The following SGCD variants were observed in gnomAD, a reference collection of about 807,000 sequenced individuals.
SGCD encodes the protein delta-sarcoglycan.
SGCD carries 18 observed loss-of-function variants against 36.6 expected under a neutral mutation model. The ratio of observed to expected loss-of-function variants is 0.49; its 90% CI spans 0.34 to 0.73. The LOEUF is 0.73. Ranked by LOEUF, SGCD falls within the 30% of genes least tolerant of loss-of-function variation. The probability of loss-of-function intolerance (pLI) is 0.01; values close to 1 mark genes in which losing one functional copy is unlikely to be tolerated. For synonymous variants in SGCD, 133 were observed against 130.6 expected (o/e 1.02, Z -0.12); for missense variants, 387 against 346.7 (o/e 1.12, Z -0.92).
At chr5:156,635,266 CA>C (rs1309921389) in intron 6 of SGCD, among the ~76,000 whole-genome samples, 2 of 151,874 alleles carry the variant, frequency 1.3e-5, no homozygotes, top group Non-Finnish European at 2.9e-5. Flanking sequence ...TTTATGCAGC[CA>C]AAAGACACAT....
At chr5:156,207,617 T>C (rs1482635258) in intron 3 of SGCD, among the ~76,000 whole-genome samples, 1 of 152,140 alleles carries the variant, frequency 6.6e-6, no homozygotes, top group Non-Finnish European at 1.5e-5. Context: ...TTACCATTAA[T>C]GGCAAAAACC....
At chr5:156,465,562 A>G (rs1340682482) in intron 3 of SGCD, among the ~76,000 whole-genome samples, 1 of 152,110 alleles carries the variant, frequency 6.6e-6, no homozygotes, top group Non-Finnish European at 1.5e-5. Context: ...CCAGACCATT[A>G]GGTATTCATG....
chr5:156,743,660 G>T (rs967070669), intron 7 of SGCD, among the ~76,000 whole-genome samples: 21 of 152,220 alleles, frequency 1.4e-4, no homozygotes, highest in African/African-American at 4.6e-4. Context: ...AAATGGTTTT[G>T]CTCTAGAGGA....
chr5:156,142,270 G>A (rs1581125497), intron 3 of SGCD, among the ~76,000 whole-genome samples: 1 of 152,202 alleles, frequency 6.6e-6, no homozygotes, highest in African/African-American at 2.4e-5. Context: ...TGTACGGTCT[G>A]CAGAACTGTG....
intron 6 of SGCD, among the ~76,000 whole-genome samples, chr5:156,604,506 A>G (rs569868431): frequency 6.6e-6 from 1 of 151,498 alleles, no homozygotes; most frequent in Non-Finnish European, 1.5e-5. Context: ...ATCTGCTGTA[A>G]TTTATTTGTG....
At chr5:156,358,833 A>G (rs1478487301) in intron 3 of SGCD, among the ~76,000 whole-genome samples, 11 of 152,124 alleles carry the variant, frequency 7.2e-5, no homozygotes, top group Admixed American at 7.2e-4. Context: ...GTAATGTTGT[A>G]TATGGATCTG....
intron 1 of SGCD, among the ~76,000 whole-genome samples, chr5:156,103,411 G>A (rs1761570442): frequency 6.6e-6 from 1 of 152,112 alleles, no homozygotes; most frequent in Non-Finnish European, 1.5e-5. Flanking sequence ...AATCCTCTTA[G>A]TACTTAAATG....
chr5:156,631,510 A>C (rs1196514210), intron 6 of SGCD, among the ~76,000 whole-genome samples: 1 of 149,988 alleles, frequency 6.7e-6, no homozygotes, highest in Non-Finnish European at 1.5e-5. Context: ...ATCTAAGAAC[A>C]TACTCTTTGG....
chr5:155,811,989 C>A, the SGCD span, among the ~76,000 whole-genome samples: 1 of 152,046 alleles, frequency 6.6e-6, no homozygotes, highest in Non-Finnish European at 1.5e-5. Context: ...TCTAACAGAG[C>A]CTTAAAACGG....
chr5:156,085,973 A>G (rs1305721617), intron 1 of SGCD, among the ~76,000 whole-genome samples: 1 of 152,200 alleles, frequency 6.6e-6, no homozygotes, highest in African/African-American at 2.4e-5. Flanking sequence ...TTGTTTTCCT[A>G]CAAGATACTT....
chr5:156,139,727 T>A (rs902375260), intron 3 of SGCD, among the ~76,000 whole-genome samples: 3 of 152,204 alleles, frequency 2.0e-5, no homozygotes, highest in Non-Finnish European at 4.4e-5. Context: ...GAAATGACTA[T>A]TGAACTTAGG....
At chr5:156,480,672 A>G (rs939050976) in intron 3 of SGCD, among the ~76,000 whole-genome samples, 1 of 152,116 alleles carries the variant, frequency 6.6e-6, no homozygotes, top group African/African-American at 2.4e-5. Flanking sequence ...TTTGTGGGGG[A>G]ATGAATTAAT....
chr5:156,122,114 C>T (rs1266595599), intron 2 of SGCD, among the ~76,000 whole-genome samples: 1 of 152,122 alleles, frequency 6.6e-6, no homozygotes, highest in African/African-American at 2.4e-5. Flanking sequence ...GTCAAAAATA[C>T]TGGAGATGGA....
intron 1 of SGCD, among the ~76,000 whole-genome samples, chr5:155,901,039 G>T (rs186039693): frequency 6.6e-6 from 1 of 152,204 alleles, no homozygotes; most frequent in Non-Finnish European, 1.5e-5. Flanking sequence ...TAGGCCAGTC[G>T]TGGTGGCTCA....
the SGCD span, among the ~76,000 whole-genome samples, chr5:155,773,835 T>C: frequency 1.3e-5 from 2 of 152,170 alleles, no homozygotes; most frequent in East Asian, 1.9e-4. Flanking sequence ...GCAAGGGATG[T>C]AGTGTGTGCA....
intron 7 of SGCD, among the ~76,000 whole-genome samples, chr5:156,736,572 C>A (rs939932061): frequency 1.3e-5 from 2 of 152,050 alleles, no homozygotes; most frequent in African/African-American, 4.8e-5. Flanking sequence ...TGAGAGCTGG[C>A]AATTCAATGG....
chr5:156,476,646 C>A (rs1025919288), intron 3 of SGCD, among the ~76,000 whole-genome samples: 2 of 152,098 alleles, frequency 1.3e-5, no homozygotes, highest in East Asian at 3.9e-4. Flanking sequence ...ATAATGCTTC[C>A]GTAGCTAAAT....
chr5:155,918,615 CTG>C (rs1756807020), intron 1 of SGCD, among the ~76,000 whole-genome samples: 3 of 152,254 alleles, frequency 2.0e-5, no homozygotes, highest in South Asian at 4.1e-4. Flanking sequence ...ATCCAGGAAA[CTG>C]TGGGGCCACA....
intron 7 of SGCD, among the ~76,000 whole-genome samples, chr5:156,720,741 A>G (rs1230021687): frequency 1.3e-5 from 2 of 152,066 alleles, no homozygotes; most frequent in Non-Finnish European, 2.9e-5. Context: ...TTTCTAATTC[A>G]CTCAAAGTTA....
Sources: allele counts gnomAD v4.1 joint callset (sites outside exome capture counted in the v4.1 genomes callset), GRCh38; gene constraint gnomAD v4.1.1; transcripts MANE v1.5; gene names NCBI Gene and HGNC (gene_info 2026-07-23, HGNC 2026-07-21).